NFASC: variants seen among roughly 807,000 people sequenced by gnomAD.
NFASC encodes neurofascin homolog.
NFASC carries 43 observed loss-of-function variants against 147.5 expected under a neutral mutation model. The observed-to-expected ratio is 0.29, with a 90% confidence interval of 0.23 to 0.38. The LOEUF (loss-of-function observed/expected upper bound fraction) is 0.38, where lower values mean the gene tolerates loss of function less well. Among genes scored for constraint, NFASC ranks in the 10% least tolerant of loss-of-function variants. The probability of loss-of-function intolerance (pLI) is 1.00; values close to 1 mark genes in which losing one functional copy is unlikely to be tolerated. For missense variants in NFASC, 1,320 were observed against 1,689.0 expected (o/e 0.78, Z 3.83); for synonymous variants, 622 against 665.5 (o/e 0.93, Z 1.01).
intron 1 of NFASC, among the ~76,000 whole-genome samples, chr1:204,861,517 T>C (rs959596642): frequency 2.1e-4 from 32 of 152,152 alleles, no homozygotes; most frequent in African/African-American, 7.5e-4. Flanking sequence ...TGAGACGGAG[T>C]CTCGCTCTGT....
At chr1:204,831,888 A>G (rs1672309175) in intron 1 of NFASC, among the ~76,000 whole-genome samples, 1 of 152,234 alleles carries the variant, frequency 6.6e-6, no homozygotes, top group East Asian at 1.9e-4. Flanking sequence ...AGAGGAAGAC[A>G]GGTGATCAGA....
At position 205,020,057 on chromosome 1, in the gene NFASC, C is replaced by G. The variant is rs2096389796; in HGVS notation, c.*3518C>G. The G allele has an allele frequency of 1.3e-5, 2 of 152,220 alleles. No homozygotes were observed. Among genetic ancestry groups the G allele is most frequent in the South Asian group, 4.1e-4 (2 of 4,826 alleles). 9.4% of individuals were successfully genotyped at this position (152,220 alleles called of 1,614,324 possible). On this transcript the variant is annotated 3_prime_UTR_variant, in exon 30 of 30. Transcript: ENST00000339876. ...GGTTGAATTTAAGCTAACAGGAAAGCCAAACCAGCACCCTCCTTTGTGCTC... is the reference window on the plus strand; with the variant it reads ...GGTTGAATTTAAGCTAACAGGAAAGGCAAACCAGCACCCTCCTTTGTGCTC...
At chr1:204,991,144 C>A in intron 23 of NFASC, 148 bp from the exon 24 acceptor site, 1 of 873,654 alleles carries the variant, frequency 1.1e-6, no homozygotes, top group Non-Finnish European at 1.8e-6. Context: ...AGGCCAGCAG[C>A]CAGCACCTGG....
intron 8 of NFASC, among the ~76,000 whole-genome samples, chr1:204,961,414 G>A (rs1018193131): frequency 1.3e-5 from 2 of 152,210 alleles, no homozygotes; most frequent in African/African-American, 4.8e-5. Context: ...AAATTCTAAA[G>A]CCTGAACCTC....
At chr1:205,000,948 C>T (rs1329948843) in intron 25 of NFASC, 21 of 580,066 alleles carry the variant, frequency 3.6e-5, no homozygotes, top group South Asian at 7.7e-5. Context: ...CCCTGGACAG[C>T]GACCTCTGGC....
At chr1:204,946,825 C>T (rs190371175) in intron 3 of NFASC, 88 of 498,436 alleles carry the variant, frequency 1.8e-4, no homozygotes, top group African/African-American at 1.3e-3. Flanking sequence ...GCAGACCCCA[C>T]GGGGCATGCT....
intron 1 of NFASC, among the ~76,000 whole-genome samples, chr1:204,892,450 C>G (rs567980640): frequency 6.6e-6 from 1 of 152,302 alleles, no homozygotes; most frequent in South Asian, 2.1e-4. Flanking sequence ...ACTCATGTAG[C>G]GACAGTCATC....
intron 1 of NFASC, among the ~76,000 whole-genome samples, chr1:204,839,501 A>G (rs1674687665): frequency 1.3e-5 from 2 of 152,108 alleles, no homozygotes; most frequent in South Asian, 2.1e-4. Context: ...GCCAGATTAC[A>G]TGCGTGTCCC....
chr1:204,836,144 G>T (rs1380341470), intron 1 of NFASC, among the ~76,000 whole-genome samples: 4 of 152,140 alleles, frequency 2.6e-5, no homozygotes, highest in African/African-American at 9.7e-5. Context: ...TGGGATATGT[G>T]TGTGCATGTA....
intron 1 of NFASC, among the ~76,000 whole-genome samples, chr1:204,886,012 TGCA>T (rs1285617045): frequency 6.6e-5 from 10 of 152,356 alleles, no homozygotes; most frequent in African/African-American, 2.4e-4. Context: ...CTTTCGAGGC[TGCA>T]GCACATTCTT....
At chr1:204,862,502 T>C (rs1409119680) in intron 1 of NFASC, among the ~76,000 whole-genome samples, 2 of 152,232 alleles carry the variant, frequency 1.3e-5, no homozygotes, top group Non-Finnish European at 2.9e-5. Flanking sequence ...TCGATGTGAA[T>C]GGTTATTGAA....
chr1:204,864,954 A>G (rs1017379303), intron 1 of NFASC, among the ~76,000 whole-genome samples: 3 of 152,306 alleles, frequency 2.0e-5, no homozygotes, highest in Middle Eastern at 3.4e-3. Context: ...ATGAAGCCCA[A>G]TTTATCTCAC....
At chr1:204,869,849 GT>G (rs1205769955) in intron 1 of NFASC, among the ~76,000 whole-genome samples, 1 of 152,074 alleles carries the variant, frequency 6.6e-6, no homozygotes, top group African/African-American at 2.4e-5. Flanking sequence ...GGTTGTTTAG[GT>G]TGTTTCTAAC....
At chr1:204,962,238 T>A in intron 8 of NFASC, 2 of 1,215,416 alleles carry the variant, frequency 1.6e-6, no homozygotes, top group Non-Finnish European at 2.4e-6. Context: ...ACCACGTCAT[T>A]AACTCCTGCT....
At position 204,977,800 on chromosome 1, in the gene NFASC, G is replaced by A. The variant is rs1051294823; in HGVS notation, c.1876+75G>A. On this transcript the variant is annotated intron_variant, in intron 17 of 29. Transcript: ENST00000339876. Reference sequence around the variant, plus strand: ...AGGGTGTGGAGTCTGGGAGAAGGAAGCCACTTTGGGAAAGGGCGACAGTGT... The same window carrying A: ...AGGGTGTGGAGTCTGGGAGAAGGAAACCACTTTGGGAAAGGGCGACAGTGT... 20 of 1,416,766 alleles carry A rather than the reference G, an allele frequency of 1.4e-5. No individual in the cohort carries two copies. The East Asian group carries it at 1.6e-4, about 12-fold the overall frequency. 87.8% of individuals were successfully genotyped at this position (1,416,766 alleles called of 1,614,324 possible).
intron 27 of NFASC, 55 bp downstream of exon 27, chr1:205,002,803 A>C: frequency 2.3e-5 from 30 of 1,308,334 alleles, no homozygotes; most frequent in East Asian, 5.5e-5. Context: ...TTTCATTCTC[A>C]TCCTCAGCTT....
At position 204,891,240 on chromosome 1, in the gene NFASC, C is replaced by T. The variant is rs139990098; in HGVS notation, c.-199-29392C>T. ...GAAGTGAAGGAACAGGCAAGAAGGG[C>T]GAGGAGAGGATGAGCCAATATGAGG... On this transcript the variant is annotated intron_variant, in intron 1 of 29. Transcript: ENST00000339876. Among the ~76,000 whole-genome samples the T allele has an allele frequency of 1.3e-3, 204 of 152,164 alleles. 1 individual carries two copies. The highest frequency in any genetic ancestry group is 6.0e-3 in the South Asian group (29 of 4,808).
chr1:204,952,993 G>A (rs550137167), intron 5 of NFASC, among the ~76,000 whole-genome samples: 19 of 152,362 alleles, frequency 1.2e-4, no homozygotes, highest in Middle Eastern at 3.4e-3. Flanking sequence ...CTCGCTGGCC[G>A]TGGGAGTCAC....
intron 1 of NFASC, among the ~76,000 whole-genome samples, chr1:204,915,000 G>A (rs572945194): frequency 6.6e-6 from 1 of 152,200 alleles, no homozygotes; most frequent in African/African-American, 2.4e-5. Context: ...AAGGCACGCT[G>A]GGCGCGGTGG....
Sources: allele counts gnomAD v4.1 joint callset (sites outside exome capture counted in the v4.1 genomes callset), GRCh38; gene constraint gnomAD v4.1.1; transcripts MANE v1.5; gene names NCBI Gene and HGNC (gene_info 2026-07-23, HGNC 2026-07-21).